Variants in PTCH1 observed in about 807,000 individuals in gnomAD.
The protein encoded by PTCH1 is patched 1, also known as protein patched homolog 1.
In PTCH1, 14 loss-of-function variants were observed where a neutral mutation model predicts 144.6. The observed-to-expected ratio is 0.10, with a 90% CI of 0.06 to 0.15. PTCH1 has a LOEUF of 0.15. Ranked by LOEUF, PTCH1 falls within the 10% of genes least tolerant of loss-of-function variation. The probability of loss-of-function intolerance (pLI) is 1.00; values close to 1 mark genes in which losing one functional copy is unlikely to be tolerated. For synonymous variants in PTCH1, 833 were observed against 793.6 expected, an observed-to-expected ratio of 1.05 and a Z score of -0.83; for missense variants, 1,623 against 1,948.3, an observed-to-expected ratio of 0.83 and a Z score of 3.14.
chr9:95,489,802 A>AT (rs1272314588), intron 2 of PTCH1, among the ~76,000 whole-genome samples: 10,583 of 136,946 alleles, frequency 0.077, 483 homozygotes, highest in African/African-American at 0.13. Context: ...GCTATGGATA[A>AT]TTTTTTTTTT....
chr9:95,505,601 G>A (rs1309892637), intron 2 of PTCH1, among the ~76,000 whole-genome samples: 2 of 152,128 alleles, frequency 1.3e-5, no homozygotes, highest in African/African-American at 4.8e-5. Flanking sequence ...CCCTCTGAGA[G>A]GTCCCTTCAA....
intron 16 of PTCH1, among the ~76,000 whole-genome samples, chr9:95,460,933 T>C (rs1839398788): frequency 6.6e-6 from 1 of 152,122 alleles, no homozygotes; most frequent in Non-Finnish European, 1.5e-5. Context: ...AGTTTCACAC[T>C]CCATAACAAC....
In PTCH1 at chr9:95,454,333, G is replaced by A. The variant is rs139654385; in HGVS notation, c.3307-713C>T. ...GCAGGGAGTGTTGAACCTGGCACAA[G>A]TTCTCTCTCTGAAGTTCAGGCTGCT... On this transcript the variant is annotated intron_variant, in intron 19 of 23. Coordinates refer to ENST00000331920, the MANE Select transcript of PTCH1 (RefSeq NM_000264.5). Among the ~76,000 whole-genome samples the A allele has an allele frequency of 2.4e-4, 36 of 152,348 alleles. No individual in the cohort carries two copies. The East Asian group carries it at 6.6e-3, about 28-fold the overall frequency.
chr9:95,516,904 A>G, exon 1 of PTCH1: 1 of 1,192,096 alleles, frequency 8.4e-7, no homozygotes, highest in Non-Finnish European at 1.2e-6. Flanking sequence ...ACCCCTTTAC[A>G]ATAAACTCAA....
intron 20 of PTCH1, chr9:95,452,154 G>T (rs1838508683): frequency 6.6e-6 from 1 of 152,182 alleles, no homozygotes; most frequent in East Asian, 1.9e-4. Context: ...ACTACAATAA[G>T]CAAGCTTGGC....
chr9:95,449,350 G>C lies in PTCH1; in HGVS notation c.3550-27C>G, dbSNP rs1838247744. The C allele has an allele frequency of 6.5e-7, 1 of 1,540,366 alleles. No homozygotes were observed. Among genetic ancestry groups the C allele is most frequent in the East Asian group, 2.4e-5 (1 of 41,110 alleles). On this transcript the variant is annotated intron_variant, in intron 21 of 23. Transcript: ENST00000331920. The surrounding 1 kb of genome is among the most constrained non-coding windows in gnomAD (Gnocchi z 5.3). Reference sequence around the variant, plus strand: ...TATTTAAGGGGATTCCATGTTAAAAGTGTTCTTGTCCATTTACCTGCTGGC... The same window carrying C: ...TATTTAAGGGGATTCCATGTTAAAACTGTTCTTGTCCATTTACCTGCTGGC...
rs928358190 is a variant in PTCH1, at chr9:95,443,491, C to A, written c.*2902G>T. The A allele has an allele frequency of 6.6e-6, 1 of 152,630 alleles. No homozygotes were observed. The highest frequency in any genetic ancestry group is 1.9e-4 in the East Asian group (1 of 5,206). The allele number at this position is 152,630 out of a possible 1,614,324, so 9.5% of individuals were successfully genotyped here. The stretch of plus-strand genomic sequence containing the variant: ...ACATTAATTATTTAGAGAGTTTGTA[C>A]ATTTTCACCTTCCAAGGTTTGAAAT... On this transcript the variant is annotated 3_prime_UTR_variant, in exon 24 of 24. Coordinates refer to ENST00000331920, the MANE Select transcript of PTCH1 (RefSeq NM_000264.5).
intron 1 of PTCH1, chr9:95,507,179 AG>A: frequency 1.0e-6 from 1 of 985,510 alleles, no homozygotes; most frequent in Non-Finnish European, 1.2e-6. Context: ...TAGCGTGGGG[AG>A]AGGCTGTGTG....
chr9:95,505,851 C>G (rs1434181653), intron 2 of PTCH1, among the ~76,000 whole-genome samples: 1 of 149,784 alleles, frequency 6.7e-6, no homozygotes, highest in African/African-American at 2.4e-5. Flanking sequence ...CAGGACCACA[C>G]ACGCCGCCGC....
exon 1 of PTCH1, chr9:95,516,969 C>G (rs1385785754): frequency 1.8e-6 from 1 of 565,638 alleles, no homozygotes; most frequent in Admixed American, 4.1e-5. Context: ...CCTGGGTAAA[C>G]AGGCGCTCCC....
chr9:95,508,028 G>A (rs1217792291), intron 1 of PTCH1, 133 bp downstream of exon 1: 7 of 1,522,224 alleles, frequency 4.6e-6, no homozygotes, highest in Non-Finnish European at 6.2e-6. Context: ...GCTTTTCCTG[G>A]AGAGGTGTGA....
At chr9:95,473,637 C>T (rs147534137) in intron 12 of PTCH1, among the ~76,000 whole-genome samples, 2,429 of 151,638 alleles carry the variant, frequency 0.016, 57 homozygotes, top group African/African-American at 0.056. Context: ...CTCCGCCTCC[C>T]GGGTTCAAGC....
chr9:95,462,993 T>TCCCCCCCCCCCCCCCCCCCCCAAAAG (rs1366013570), intron 15 of PTCH1, among the ~76,000 whole-genome samples: 1 of 108,080 alleles, frequency 9.3e-6, no homozygotes, highest in African/African-American at 3.5e-5. Context: ...GACACCCCCC[T>TCCCCCCCCCCCCCCCCCCCCCAAAAG]CCCCCCACCC....
intron 1 of PTCH1, chr9:95,507,955 G>T: frequency 1.4e-6 from 2 of 1,469,026 alleles, no homozygotes; most frequent in Non-Finnish European, 9.0e-7. Flanking sequence ...GCGGACCTCA[G>T]ACAGCCCTTT....
At position 95,476,971 on chromosome 9, in the gene PTCH1, C is replaced by G; in HGVS notation, c.1504-114G>C. 1 of 952,124 alleles carries G rather than the reference C, an allele frequency of 1.1e-6. No individual in the cohort carries two copies. The highest frequency in any genetic ancestry group is 1.6e-5 in the African/African-American group (1 of 61,676). The allele number at this position is 952,124 out of a possible 1,614,324, so 59.0% of individuals were successfully genotyped here. On this transcript the variant is annotated intron_variant, in intron 10 of 23. Coordinates refer to ENST00000331920, the MANE Select transcript of PTCH1 (RefSeq NM_000264.5). This position sits in a 1 kb window ranked among gnomAD's most constrained non-coding sequence, Gnocchi z 4.6. ...CTAACAGCTCCTGAAGCAGGGCTTC[C>G]GTAACCTCATGGTGAAGAATTCACT...
chr9:95,444,109 T>G lies in PTCH1; in HGVS notation c.*2284A>C, dbSNP rs898621439. On this transcript the variant is annotated 3_prime_UTR_variant, in exon 24 of 24. Transcript: ENST00000331920. ...AAATTATAAATATCAGCAAAGTTTT[T>G]TTTTTTTTAAAAATTAAAACATCCA... The G allele has an allele frequency of 2.6e-5, 4 of 152,462 alleles. No individual in the cohort carries two copies. The highest frequency in any genetic ancestry group is 6.6e-5 in the Admixed American group (1 of 15,260). The allele number at this position is 152,462 out of a possible 1,614,324, so 9.4% of individuals were successfully genotyped here. A position where few individuals can be genotyped will look rare whatever the true frequency, so the allele number is the denominator to read the frequency against.
chr9:95,513,959 C>G (rs961811493), upstream of PTCH1: 12 of 152,208 alleles, frequency 7.9e-5, no homozygotes, highest in African/African-American at 2.7e-4. Context: ...CAGCACAAAC[C>G]CGGGAGCACT....
chr9:95,506,743 G>T, intron 1 of PTCH1, 144 bp from the exon 2 acceptor site: 1 of 1,061,620 alleles, frequency 9.4e-7, no homozygotes, highest in Non-Finnish European at 1.2e-6. Flanking sequence ...CCTCGAGACT[G>T]CAGCCCCGGC....
intron 1 of PTCH1, chr9:95,506,830 G>T: frequency 8.6e-7 from 1 of 1,162,448 alleles, no homozygotes; most frequent in Non-Finnish European, 1.1e-6. Flanking sequence ...ACATCAGGGC[G>T]CCCCCACCCG....
Sources: allele counts gnomAD v4.1 joint callset (sites outside exome capture counted in the v4.1 genomes callset), GRCh38; gene constraint gnomAD v4.1.1; non-coding constraint Gnocchi (gnomAD v3.1); transcripts MANE v1.5; gene names NCBI Gene and HGNC (gene_info 2026-07-23, HGNC 2026-07-21).